The following HMCN1 variants were observed in gnomAD, a reference collection of about 807,000 sequenced individuals.
HMCN1 encodes hemicentin-1.
Under a neutral mutation model 625.9 loss-of-function variants are expected in HMCN1, and 321 were observed. The observed-to-expected ratio is 0.51, with a 90% CI of 0.47 to 0.56. HMCN1 has a LOEUF of 0.56. HMCN1 is among the 20% of genes least tolerant of loss of function. The pLI is 0.00. For synonymous variants in HMCN1, 2,425 were observed against 2,417.6 expected, an observed-to-expected ratio of 1.00 and a Z score of -0.09; for missense variants, 6,588 against 6,887.3, an observed-to-expected ratio of 0.96 and a Z score of 1.54.
chr1:185,870,413 C>A (rs997914285), intron 4 of HMCN1, among the ~76,000 whole-genome samples: 4 of 152,152 alleles, frequency 2.6e-5, no homozygotes, highest in African/African-American at 7.2e-5. Context: ...AGATAATTCG[C>A]TTGTCCTGAG....
At position 186,117,560 on chromosome 1, in the gene HMCN1, C is replaced by T; in HGVS notation, c.11785C>T (p.His3929Tyr). Residue 3929 changes from histidine to tyrosine, a missense_variant, in exon 77 of 107, where the codon CAC becomes TAC. Physicochemically the swap from His to Tyr is moderately conservative, Grantham distance 83. Around this residue, in one of 3 missense-constraint regions of HMCN1, gnomAD observed 4,628 missense variants for 4,853.1 expected, o/e 0.95. Transcript: ENST00000271588. ...TTCGGGAGTTCCATTTCCCTCAATT[C>T]ACTGGACCAAAAATGGTATAAGACT... ...TASGVPFPSI[H>Y]WTKNGIRLLP... is the part of the protein sequence containing the mutation. 2 of 1,613,862 alleles carry T rather than the reference C, an allele frequency of 1.2e-6. No individual in the cohort carries two copies. The highest frequency in any genetic ancestry group is 2.2e-5 in the South Asian group (2 of 91,072).
At chr1:185,803,848 T>A (rs535670169) in intron 1 of HMCN1, among the ~76,000 whole-genome samples, 1 of 152,266 alleles carries the variant, frequency 6.6e-6, no homozygotes, top group Admixed American at 6.5e-5. Flanking sequence ...TATATCCAAG[T>A]TGCCTTCCTG....
At chr1:186,110,977 C>CTTTTTTTTTTGTTTTTTTTT (rs1660849140) in intron 71 of HMCN1, among the ~76,000 whole-genome samples, 1 of 61,648 alleles carries the variant, frequency 1.6e-5, no homozygotes, top group Non-Finnish European at 2.7e-5. Flanking sequence ...AGAGAAAATT[C>CTTTTTTTTTTGTTTTTTTTT]TTTTTTTTTT....
intron 19 of HMCN1, among the ~76,000 whole-genome samples, chr1:185,986,774 C>A (rs938013736): frequency 1.4e-5 from 2 of 145,864 alleles, no homozygotes; most frequent in African/African-American, 5.1e-5. Flanking sequence ...AGGAGGATTG[C>A]GTGAGCCTAG....
chr1:185,783,262 G>A (rs1448548203), intron 1 of HMCN1, among the ~76,000 whole-genome samples: 1 of 152,100 alleles, frequency 6.6e-6, no homozygotes, highest in Non-Finnish European at 1.5e-5. Flanking sequence ...CTTTTATCAA[G>A]GTTTTTAGCT....
intron 1 of HMCN1, among the ~76,000 whole-genome samples, chr1:185,796,630 G>C (rs1322360): frequency 8.7e-5 from 12 of 137,952 alleles, no homozygotes; most frequent in Admixed American, 4.7e-4. Flanking sequence ...TTGTGTCTGT[G>C]TGTGTGTGTG....
chr1:185,880,630 G>A (rs1664244793), intron 4 of HMCN1, among the ~76,000 whole-genome samples: 1 of 152,160 alleles, frequency 6.6e-6, no homozygotes, highest in Non-Finnish European at 1.5e-5. Flanking sequence ...CTCCACAAGA[G>A]AAAGACCTGC....
intron 33 of HMCN1, among the ~76,000 whole-genome samples, chr1:186,017,758 C>T (rs937022956): frequency 2.0e-5 from 3 of 151,920 alleles, no homozygotes; most frequent in Non-Finnish European, 4.4e-5. Context: ...GAGCACTTGT[C>T]TCTTTTCTAA....
At chr1:186,048,660 A>G (rs1656736119) in intron 41 of HMCN1, 83 bp from the exon 42 acceptor site, 2 of 838,984 alleles carry the variant, frequency 2.4e-6, no homozygotes, top group South Asian at 1.4e-5. Context: ...GAATAAAAAT[A>G]AGAAATAGAT....
intron 11 of HMCN1, among the ~76,000 whole-genome samples, chr1:185,959,529 A>G (rs1649861825): frequency 6.6e-6 from 1 of 152,136 alleles, no homozygotes; most frequent in African/African-American, 2.4e-5. Flanking sequence ...CTTTTGTTAT[A>G]ATTAAATAAA....
chr1:185,841,296 T>C (rs1276983972), intron 1 of HMCN1, among the ~76,000 whole-genome samples: 1 of 152,244 alleles, frequency 6.6e-6, no homozygotes, highest in Non-Finnish European at 1.5e-5. Flanking sequence ...TTGTTTATTT[T>C]TGTATAATAC....
rs750357927 is a variant in HMCN1 at position 185,970,440 on chromosome 1, T to G, written c.2318T>G (p.Val773Gly). The change falls in exon 15 of 107, where the codon GTA (valine) becomes GGA (glycine). Residue 773 changes from valine to glycine, a missense_variant. Coordinates refer to ENST00000271588, the MANE Select transcript of HMCN1 (RefSeq NM_031935.3). ...CTGGATGCTGGCGATTATACCTGTG[T>G]AGCCATCAATGAGGCTGGAAGAGCA... is the stretch of plus-strand genomic sequence containing the variant. The part of the protein sequence containing the change: ...QDLDAGDYTC[V>G]AINEAGRATG... 1.1e-5 allele frequency: 17 copies of G among 1,613,796 alleles called. No individual in the cohort carries two copies. The African/African-American group carries it at 2.0e-4, about 19-fold the overall frequency.
In HMCN1 at chr1:186,055,544, A is replaced by T. The variant is rs752486205; in HGVS notation, c.7014A>T (p.Gly2338=). The T allele has an allele frequency of 4.3e-6, 7 of 1,612,806 alleles. No homozygotes were observed. The highest frequency in any genetic ancestry group is 1.1e-5 in the South Asian group (1 of 91,078). The change falls in exon 45 of 107, where the codon GGA becomes GGT. Residue 2338 remains glycine (G), a synonymous_variant. Coordinates refer to ENST00000271588, the MANE Select transcript of HMCN1 (RefSeq NM_031935.3). The stretch of plus-strand genomic sequence containing the variant: ...GCCACCCCTTGATCAAGGCAAAGGG[A>T]GTAGAAATACTGGATGAAGGTCACA... ...KDGHPLIKAK[G]VEILDEGHIL...
rs756883609 is a variant in HMCN1, at chr1:185,922,462, C to G, written c.984C>G (p.Thr328=). The G allele has an allele frequency of 1.9e-6, 3 of 1,613,444 alleles. No individual in the cohort carries two copies. Among genetic ancestry groups the G allele is most frequent in the Admixed American group, 1.7e-5 (1 of 59,962 alleles). Residue 328 remains threonine, a synonymous_variant, in exon 7 of 107, where the codon ACC becomes ACG. Coordinates refer to ENST00000271588, the MANE Select transcript of HMCN1 (RefSeq NM_031935.3). The part of the protein sequence containing the change: ...DFRAGFSRKP[T]LDFKKTVSRP... ...GAGCTGGCTTTTCTCGAAAGCCCACCCTGGACTTCAAAAAAACAGTCAGCA... is the reference window on the plus strand; with the variant it reads ...GAGCTGGCTTTTCTCGAAAGCCCACGCTGGACTTCAAAAAAACAGTCAGCA...
At chr1:186,070,007 G>C (rs1322366449) in intron 51 of HMCN1, among the ~76,000 whole-genome samples, 1 of 152,200 alleles carries the variant, frequency 6.6e-6, no homozygotes, top group East Asian at 1.9e-4. Flanking sequence ...TGGAGACTTT[G>C]TCAGTGGCAT....
chr1:185,940,500 T>C (rs1668026311), intron 11 of HMCN1, among the ~76,000 whole-genome samples: 1 of 152,232 alleles, frequency 6.6e-6, no homozygotes, highest in Non-Finnish European at 1.5e-5. Context: ...AGCTAGTCTC[T>C]CTGAGTTGCT....
Position 186,108,544 on chromosome 1 carries a change from G to A in HMCN1, c.10936G>A (p.Asp3646Asn). ...NRQVTLECKS[D>N]AVPPPVITWL... ...ACAAGTGACATTGGAATGCAAGTCA[G>A]ATGCAGTGCCCCCACCTGTAATTAC... The change falls in exon 71 of 107, where the codon GAT becomes AAT. Residue 3646 changes from aspartate to asparagine, a missense_variant. This residue lies in a region of HMCN1 where 4,628 missense variants were observed against 4,853.1 expected (regional missense o/e 0.95). Transcript: ENST00000271588. The A allele has an allele frequency of 6.2e-7, 1 of 1,614,068 alleles. No individual in the cohort carries two copies. Among genetic ancestry groups the A allele is most frequent in the Non-Finnish European group, 8.5e-7 (1 of 1,179,964 alleles).
intron 106 of HMCN1, 93 bp downstream of exon 106, chr1:186,188,102 C>A: frequency 1.4e-6 from 2 of 1,454,652 alleles, no homozygotes; most frequent in Admixed American, 1.7e-5. Context: ...TCATGTGTAA[C>A]TCACAGGAAG....
intron 2 of HMCN1, among the ~76,000 whole-genome samples, chr1:185,858,564 TATATGC>T (rs1236861786): frequency 1.6e-4 from 14 of 86,916 alleles, no homozygotes; most frequent in African/African-American, 2.4e-4. Flanking sequence ...GCTATATGCC[TATATGC>T]CACCACACCC....
Sources: gnomAD v4.1 joint callset for allele counts (sites outside exome capture counted in the v4.1 genomes callset) on GRCh38, gnomAD v4.1.1 for gene constraint, gnomAD v4.1.1 regional missense constraint, MANE v1.5 for transcripts, NCBI Gene and HGNC (gene_info 2026-07-23, HGNC 2026-07-21) for gene names.